The following LBR variants were observed in gnomAD, a reference collection of about 807,000 sequenced individuals.
LBR encodes lamin B receptor.
Under a neutral mutation model 74.3 loss-of-function variants are expected in LBR, and 28 were observed. The observed-to-expected ratio is 0.38, with a 90% CI of 0.28 to 0.52. The LOEUF is 0.52. LBR is among the 20% of genes least tolerant of loss of function. The pLI, the probability that LBR is intolerant of heterozygous loss-of-function variation, is 0.89. For missense variants in LBR, 717 were observed against 760.3 expected (o/e 0.94, Z 0.67); for synonymous variants, 228 against 269.3 (o/e 0.85, Z 1.50).
In LBR at chr1:225,421,070, T is replaced by C. The variant is rs28566082; in HGVS notation, c.366+1007A>G. Among the ~76,000 whole-genome samples the C allele has an allele frequency of 5.6e-3, 856 of 152,350 alleles. 10 individuals are homozygous for C. Among genetic ancestry groups the C allele is most frequent in the East Asian group, 0.042 (220 of 5,182 alleles). ...AGTTACATGTATACAATTTACCATA[T>C]ATCCATACTATAGAATACAACAACA... On this transcript the variant is annotated intron_variant, in intron 3 of 13. Coordinates refer to ENST00000272163, the MANE Select transcript of LBR (RefSeq NM_002296.4).
rs1053240097 is a variant in LBR at position 225,412,658 on chromosome 1, A to AC, written c.893-14_893-13insG. 1 of 1,602,508 alleles carries AC rather than the reference A, an allele frequency of 6.2e-7. No homozygotes were observed. The highest frequency in any genetic ancestry group is 1.3e-5 in the African/African-American group (1 of 74,288). ...AAAGCATAGAATCCTTTAAAAAAAA[A>AC]AAAAAAAGGAAGTGGAAAATTAATA... is the stretch of plus-strand genomic sequence containing the variant. On this transcript the variant is annotated splice_polypyrimidine_tract_variant and intron_variant, in intron 7 of 13. Coordinates refer to ENST00000272163, the MANE Select transcript of LBR (RefSeq NM_002296.4).
intron 2 of LBR, among the ~76,000 whole-genome samples, 183 bp downstream of exon 2, chr1:225,423,728 G>A (rs757244410): frequency 1.4e-4 from 21 of 152,134 alleles, no homozygotes; most frequent in Non-Finnish European, 2.6e-4. Flanking sequence ...TGAGCTTCTT[G>A]GGAACAAGGA....
chr1:225,411,020 T>G (rs1306627368), intron 9 of LBR, among the ~76,000 whole-genome samples: 1 of 152,174 alleles, frequency 6.6e-6, no homozygotes, highest in East Asian at 1.9e-4. Flanking sequence ...AGCCTAAAAC[T>G]AGGTAAAATT....
Position 225,402,691 on chromosome 1 carries a change from G to A in LBR, c.*612C>T, listed in dbSNP as rs944152738. On this transcript the variant is annotated 3_prime_UTR_variant, in exon 14 of 14. Coordinates refer to ENST00000272163, the MANE Select transcript of LBR (RefSeq NM_002296.4). ...CATATATTACAAAAAACTAAGCTATGTATTTACATTTTCAATGTAGTTTTA... is the reference window on the plus strand; with the variant it reads ...CATATATTACAAAAAACTAAGCTATATATTTACATTTTCAATGTAGTTTTA... The A allele has an allele frequency of 6.6e-6, 1 of 152,614 alleles. No individual in the cohort carries two copies. Among genetic ancestry groups the A allele is most frequent in the Non-Finnish European group, 1.5e-5 (1 of 68,052 alleles). The allele number at this position is 152,614 out of a possible 1,614,324, so 9.5% of individuals were successfully genotyped here. A position where few individuals can be genotyped will look rare whatever the true frequency, so the allele number is the denominator to read the frequency against.
At chr1:225,426,467 A>C (rs2096139308) in intron 1 of LBR, among the ~76,000 whole-genome samples, 1 of 152,232 alleles carries the variant, frequency 6.6e-6, no homozygotes, top group African/African-American at 2.4e-5. Context: ...TAAACAGGAA[A>C]AACACGGAGA....
chr1:225,422,216 C>T lies in LBR; in HGVS notation c.227G>A (p.Arg76Gln), dbSNP rs749991297. 2.7e-5 allele frequency: 43 copies of T among 1,613,778 alleles called. No homozygotes were observed. The highest frequency in any genetic ancestry group is 1.3e-4 in the East Asian group (6 of 44,896). The change falls in exon 3 of 14, where the codon CGA (arginine) becomes CAA (glutamine). Residue 76 changes from arginine to glutamine, a missense_variant. Physicochemically the swap from Arg to Gln is conservative, Grantham distance 43. Coordinates refer to ENST00000272163, the MANE Select transcript of LBR (RefSeq NM_002296.4). ...GSTSSSPSRRRGSRSRSRSRS... is the reference protein window; with the variant it reads ...GSTSSSPSRRQGSRSRSRSRS... Reference sequence around the variant, plus strand: ...GGAGCGTGACCTTGATCGACTCCCTCGGCGTCTGGAAGGGGAACTGGAAGT... The same window carrying T: ...GGAGCGTGACCTTGATCGACTCCCTTGGCGTCTGGAAGGGGAACTGGAAGT...
In LBR at chr1:225,406,805, T is replaced by C; in HGVS notation, c.1342A>G (p.Ile448Val). 1 of 1,614,218 alleles carries C rather than the reference T, an allele frequency of 6.2e-7. No homozygotes were observed. The highest frequency in any genetic ancestry group is 8.5e-7 in the Non-Finnish European group (1 of 1,180,028). The stretch of plus-strand genomic sequence containing the variant: ...AGCATGAATCCAAATCCATCGTGGA[T>C]GATGTCCATGGTCGTCAACAACGCT... ...EEALLTTMDIIHDGFGFMLAF... is the reference protein window; with the variant it reads ...EEALLTTMDIVHDGFGFMLAF... Residue 448 changes from isoleucine to valine, a missense_variant, in exon 11 of 14, where the codon ATC becomes GTC. Physicochemically the swap from Ile to Val is conservative, Grantham distance 29. Transcript: ENST00000272163.
intron 10 of LBR, among the ~76,000 whole-genome samples, chr1:225,407,537 T>C (rs940715087): frequency 1.3e-5 from 2 of 152,128 alleles, no homozygotes; most frequent in African/African-American, 2.4e-5. Context: ...TCCCTGGTGA[T>C]TTGGTTAGCA....
chr1:225,407,926 C>T (rs930638113), intron 10 of LBR, among the ~76,000 whole-genome samples: 23 of 152,048 alleles, frequency 1.5e-4, no homozygotes, highest in African/African-American at 5.3e-4. Flanking sequence ...ATGTAATAAT[C>T]GTACATATTT....
At position 225,405,762 on chromosome 1, in the gene LBR, T is replaced by C. The variant is rs554010338; in HGVS notation, c.1483+902A>G. On this transcript the variant is annotated intron_variant, in intron 11 of 13. Coordinates refer to ENST00000272163, the MANE Select transcript of LBR (RefSeq NM_002296.4). ...AACAAACTAAGACATTCCCCATTTT[T>C]AGCTGAACTATAAAATACACTGTCT... 7.2e-5 allele frequency among the ~76,000 whole-genome samples: 11 copies of C among 152,358 alleles called. No individual in the cohort carries two copies. In the South Asian group the frequency reaches 2.3e-3, roughly 32 times the overall value.
intron 10 of LBR, among the ~76,000 whole-genome samples, chr1:225,408,512 G>A (rs1575220563): frequency 6.6e-6 from 1 of 152,342 alleles, no homozygotes; most frequent in East Asian, 1.9e-4. Flanking sequence ...ACGGCTCAGA[G>A]GAAGGGTCAT....
chr1:225,413,770 C>T (rs1315130646), intron 7 of LBR: 5 of 339,594 alleles, frequency 1.5e-5, no homozygotes, highest in African/African-American at 6.5e-5. Context: ...CGTAAAATCT[C>T]GAAAAGAAAT....
chr1:225,424,137 T>C (rs2096134490), intron 1 of LBR, 48 bp from the exon 2 acceptor site: 3 of 1,394,414 alleles, frequency 2.2e-6, no homozygotes, highest in Non-Finnish European at 3.1e-6. Context: ...TACACATTTA[T>C]GTATTCGTCT....
rs1347482506 is a variant in LBR at position 225,403,447 on chromosome 1, C to T, written c.1704G>A (p.Leu568=). The T allele has an allele frequency of 2.5e-6, 4 of 1,611,206 alleles. No homozygotes were observed. Among genetic ancestry groups the T allele is most frequent in the Non-Finnish European group, 3.4e-6 (4 of 1,177,560 alleles). The change falls in exon 14 of 14, where the codon CTG becomes CTA. Residue 568 remains leucine, a synonymous_variant. Coordinates refer to ENST00000272163, the MANE Select transcript of LBR (RefSeq NM_002296.4). ...TGAAATAAATTATGTAGAAATAAGG[C>T]AGAATGTGGTTAAAACCTGTGGATA... ...WSLPCGFNHI[L]PYFYIIYFTM...
At position 225,418,282 on chromosome 1, in the gene LBR, ACTGT is replaced by A. The variant is rs2150954930; in HGVS notation, c.641-106_641-103del. 5 of 1,214,454 alleles carry A rather than the reference ACTGT, an allele frequency of 4.1e-6. 1 individual carries two copies. In the South Asian group the frequency reaches 6.5e-5, roughly 16 times the overall value. 75.2% of individuals were successfully genotyped at this position (1,214,454 alleles called of 1,614,324 possible). A position where few individuals can be genotyped will look rare whatever the true frequency, so the allele number is the denominator to read the frequency against. On this transcript the variant is annotated intron_variant, in intron 5 of 13. Transcript: ENST00000272163. ...AAGATCAGAACTCGTTATCTGGCTAACTGTCTGAAACCAATTTCTAATGTACCAT... is the reference window on the plus strand; with the variant it reads ...AAGATCAGAACTCGTTATCTGGCTAACTGAAACCAATTTCTAATGTACCAT...
intron 4 of LBR, 63 bp downstream of exon 4, chr1:225,419,652 G>A (rs962071820): frequency 2.5e-5 from 31 of 1,221,296 alleles, no homozygotes; most frequent in Non-Finnish European, 3.5e-5. Flanking sequence ...TCAAGGGAGA[G>A]TCACTTTTAA....
chr1:225,425,037 C>T (rs1471195212), intron 1 of LBR, among the ~76,000 whole-genome samples: 1 of 152,196 alleles, frequency 6.6e-6, no homozygotes, highest in Non-Finnish European at 1.5e-5. Flanking sequence ...TGAGCTGTCT[C>T]CCAAATCACC....
At chr1:225,422,593 TA>T (rs2150958752) in intron 2 of LBR, among the ~76,000 whole-genome samples, 1 of 149,600 alleles carries the variant, frequency 6.7e-6, no homozygotes, top group South Asian at 2.1e-4. Context: ...TAACATGGAT[TA>T]AAACTGAGAC....
At chr1:225,422,420 G>T in intron 2 of LBR, 143 bp from the exon 3 acceptor site, 2 of 719,558 alleles carry the variant, frequency 2.8e-6, no homozygotes, top group Non-Finnish European at 4.9e-6. Context: ...TCTGAGAATG[G>T]ATCAGATGAA....
Sources: gnomAD v4.1 joint callset for allele counts (sites outside exome capture counted in the v4.1 genomes callset) on GRCh38, gnomAD v4.1.1 for gene constraint, MANE v1.5 for transcripts, NCBI Gene and HGNC (gene_info 2026-07-23, HGNC 2026-07-21) for gene names.